NPIPB15: variants seen among roughly 807,000 people sequenced by gnomAD.
NPIPB15 encodes the protein nuclear pore complex interacting protein family member B15, also known as nuclear pore complex-interacting protein family member B15.
In NPIPB15, 5 loss-of-function variants were observed where a neutral mutation model predicts 35.9. That is an observed-to-expected ratio of 0.14 (90% CI 0.07 to 0.29). NPIPB15 has a LOEUF of 0.29. Ranked by LOEUF, NPIPB15 falls within the 10% of genes least tolerant of loss-of-function variation. The probability of loss-of-function intolerance (pLI) is 1.00; values close to 1 mark genes in which losing one functional copy is unlikely to be tolerated. For synonymous variants in NPIPB15, 43 were observed against 182.0 expected (o/e 0.24, Z 6.15); for missense variants, 100 against 506.1 (o/e 0.20, Z 7.70).
At chr16:74,384,666 C>CTTTTT (rs1567414016) in intron 3 of NPIPB15, among the ~76,000 whole-genome samples, 6 of 107,844 alleles carry the variant, frequency 5.6e-5, no homozygotes, top group African/African-American at 1.8e-4. Context: ...CGCACCTGGC[C>CTTTTT]TATTTTTTTT....
chr16:74,379,585 A>ATT (rs547124371), intron 2 of NPIPB15, among the ~76,000 whole-genome samples: 22 of 124,550 alleles, frequency 1.8e-4, no homozygotes, highest in South Asian at 1.6e-3. Context: ...CACCTTGGTA[A>ATT]TTTTTTTTTT....
At chr16:74,381,719 T>C (rs901080822) in intron 3 of NPIPB15, 21 bp downstream of exon 3, 23 of 1,581,758 alleles carry the variant, frequency 1.5e-5, no homozygotes, top group Non-Finnish European at 2.0e-5. Context: ...TAACTTTCTG[T>C]AGAGGTATAC....
intron 3 of NPIPB15, among the ~76,000 whole-genome samples, chr16:74,382,921 T>TA: frequency 6.7e-6 from 1 of 149,220 alleles, no homozygotes; most frequent in Non-Finnish European, 1.5e-5. Flanking sequence ...TTTTTTTTTT[T>TA]TTTTTTCTTT....
intron 2 of NPIPB15, among the ~76,000 whole-genome samples, chr16:74,379,048 C>T (rs1444365000): frequency 3.0e-3 from 456 of 152,150 alleles, no homozygotes; most frequent in Non-Finnish European, 4.8e-3. Flanking sequence ...GATCCGCCCG[C>T]CTTGGCCTCC....
chr16:74,382,604 G>A (rs1405812601), intron 3 of NPIPB15, among the ~76,000 whole-genome samples: 3 of 152,288 alleles, frequency 2.0e-5, no homozygotes, highest in East Asian at 1.9e-4. Context: ...CTTTGGGTAA[G>A]TTGAGCTCTA....
At chr16:74,386,538 A>G (rs1307691303) in intron 5 of NPIPB15, among the ~76,000 whole-genome samples, 1 of 126,688 alleles carries the variant, frequency 7.9e-6, no homozygotes, top group Non-Finnish European at 1.6e-5. Flanking sequence ...GGCTCACTGC[A>G]ACCTCCGCCT....
chr16:74,388,372 CG>C, intron 5 of NPIPB15: 1 of 906,188 alleles, frequency 1.1e-6, no homozygotes, highest in South Asian at 5.1e-5. Context: ...AATGATCTTT[CG>C]CTGTGTCAAA....
At chr16:74,378,207 C>T (rs1194524764) in intron 2 of NPIPB15, among the ~76,000 whole-genome samples, 168 bp downstream of exon 2, 2 of 151,384 alleles carry the variant, frequency 1.3e-5, no homozygotes, top group Non-Finnish European at 2.9e-5. Flanking sequence ...GGCGAAACCC[C>T]ATCTCTACAA....
intron 2 of NPIPB15, among the ~76,000 whole-genome samples, chr16:74,380,178 G>A (rs1236151422): frequency 6.6e-6 from 1 of 151,704 alleles, no homozygotes; most frequent in African/African-American, 2.4e-5. Flanking sequence ...GGGAGGCCGA[G>A]GCAGGTGGAT....
intron 3 of NPIPB15, 125 bp downstream of exon 3, chr16:74,381,823 GATTT>G (rs1460455773): frequency 2.1e-4 from 214 of 1,021,478 alleles, no homozygotes; most frequent in African/African-American, 1.6e-3. Context: ...TCAGGGAAAT[GATTT>G]ATTAGCATAA....
chr16:74,380,794 A>G (rs1326445401), intron 2 of NPIPB15, among the ~76,000 whole-genome samples: 20 of 150,594 alleles, frequency 1.3e-4, no homozygotes, highest in African/African-American at 4.4e-4. Context: ...ACTGCACTCC[A>G]GCCTGGGTGA....
chr16:74,389,040 G>C (rs2012417162), intron 5 of NPIPB15, among the ~76,000 whole-genome samples: 2 of 149,202 alleles, frequency 1.3e-5, no homozygotes, highest in African/African-American at 4.9e-5. Context: ...CCCATTGCCA[G>C]CTAGACTGTG....
rs1295472150 is a variant in NPIPB15 at position 74,377,002 on chromosome 16, G to T, written c.-367G>T. ...AGATTTGCTGGAACAAAATAAGTCAGGTTAATTTTTGTAAATGTACCATGC... is the reference window on the plus strand; with the variant it reads ...AGATTTGCTGGAACAAAATAAGTCATGTTAATTTTTGTAAATGTACCATGC... On this transcript the variant is annotated 5_prime_UTR_variant, in exon 1 of 8. The change creates a new upstream start codon in the 5' untranslated region. Transcript: ENST00000692376. Among the ~76,000 whole-genome samples, 2 of 144,674 alleles carry T rather than the reference G, an allele frequency of 1.4e-5. No individual in the cohort carries two copies. Among genetic ancestry groups the T allele is most frequent in the Non-Finnish European group, 3.0e-5 (2 of 66,516 alleles). 94.9% of individuals were successfully genotyped at this position (144,674 alleles called of 152,430 possible). A position where few individuals can be genotyped will look rare whatever the true frequency, so the allele number is the denominator to read the frequency against.
intron 5 of NPIPB15, chr16:74,388,950 A>T (rs1205256432): frequency 7.1e-5 from 65 of 917,654 alleles, no homozygotes; most frequent in East Asian, 1.2e-4. Flanking sequence ...AGAGAGAGAG[A>T]GAGTTCACAA....
rs1160634558 is a variant in NPIPB15, at chr16:74,376,713, G to C, written c.-656G>C. ...TGTTAAAATGTCTAGGTGGGTTAGG[G>C]GTGATTTGAGATCACACAACCTTGT... is the stretch of plus-strand genomic sequence containing the variant. On this transcript the variant is annotated 5_prime_UTR_variant, in exon 1 of 8. Coordinates refer to ENST00000692376, the MANE Select transcript of NPIPB15 (RefSeq NM_001306094.2). Among the ~76,000 whole-genome samples the C allele has an allele frequency of 2.0e-5, 3 of 151,924 alleles. No individual in the cohort carries two copies. The highest frequency in any genetic ancestry group is 7.2e-5 in the African/African-American group (3 of 41,386).
rs1257836144 is a variant in NPIPB15, at chr16:74,376,975, T to A, written c.-394T>A. Among the ~76,000 whole-genome samples, 1 of 145,130 alleles carries A rather than the reference T, an allele frequency of 6.9e-6. No individual in the cohort carries two copies. Among genetic ancestry groups the A allele is most frequent in the East Asian group, 2.0e-4 (1 of 4,910 alleles). On this transcript the variant is annotated 5_prime_UTR_variant, in exon 1 of 8. Transcript: ENST00000692376. ...GTGATTTGATTGCTCTCAAATATAT[T>A]GAGATTTGCTGGAACAAAATAAGTC...
chr16:74,382,713 G>C (rs1040757407), intron 3 of NPIPB15, among the ~76,000 whole-genome samples: 7 of 152,242 alleles, frequency 4.6e-5, no homozygotes, highest in Admixed American at 4.6e-4. Context: ...ATACCACAAT[G>C]CTTTTTTATA....
chr16:74,389,047 T>C (rs370927347), intron 5 of NPIPB15, among the ~76,000 whole-genome samples: 2 of 148,994 alleles, frequency 1.3e-5, no homozygotes, highest in African/African-American at 4.9e-5. Context: ...CCAGCTAGAC[T>C]GTGTGGAAAC....
chr16:74,377,393 A>G (rs1242677314), intron 1 of NPIPB15, among the ~76,000 whole-genome samples, 47 bp downstream of exon 1: 128 of 147,092 alleles, frequency 8.7e-4, no homozygotes, highest in African/African-American at 2.4e-3. Flanking sequence ...GGAGTGTGGG[A>G]GACTGAGATG....
Sources: allele counts gnomAD v4.1 joint callset (sites outside exome capture counted in the v4.1 genomes callset), GRCh38; gene constraint gnomAD v4.1.1; transcripts MANE v1.5; gene names NCBI Gene and HGNC (gene_info 2026-07-23, HGNC 2026-07-21).